PTPRD: variants seen among roughly 807,000 people sequenced by gnomAD.
The protein encoded by PTPRD is protein tyrosine phosphatase receptor type D.
A neutral mutation model predicts 214.5 loss-of-function variants in PTPRD; 34 were observed. The observed-to-expected ratio is 0.16, with a 90% CI of 0.12 to 0.21. The LOEUF (loss-of-function observed/expected upper bound fraction) is 0.21. Ranked by LOEUF, PTPRD falls within the 10% of genes least tolerant of loss-of-function variation. PTPRD has a pLI of 1.00. For synonymous variants in PTPRD, 1,128 were observed against 845.7 expected (o/e 1.33, Z -5.79); for missense variants, 2,545 against 2,398.7 (o/e 1.06, Z -1.27).
intron 5 of PTPRD, among the ~76,000 whole-genome samples, chr9:9,793,748 C>G (rs1011759195): frequency 6.6e-6 from 1 of 151,834 alleles, no homozygotes; most frequent in South Asian, 2.1e-4. Context: ...TTTGTTCTTC[C>G]TTCTGTGTAG....
intron 3 of PTPRD, among the ~76,000 whole-genome samples, chr9:10,194,941 ATTTT>A (rs113659073): frequency 7.3e-6 from 1 of 137,050 alleles, no homozygotes; most frequent in Non-Finnish European, 1.6e-5. Flanking sequence ...TTTTCATTTA[ATTTT>A]TTTTTTTTTT....
chr9:9,876,562 C>G (rs141432638), intron 5 of PTPRD, among the ~76,000 whole-genome samples: 63 of 152,228 alleles, frequency 4.1e-4, no homozygotes, highest in African/African-American at 1.5e-3. Flanking sequence ...GCAGTTTTAA[C>G]AATAAGACAA....
rs767461430 is a variant in PTPRD, at chr9:9,013,738, C to T, written c.-104+4959G>A. Among the ~76,000 whole-genome samples the T allele has an allele frequency of 1.2e-4, 18 of 152,234 alleles. No individual in the cohort carries two copies. In the South Asian group the frequency reaches 1.2e-3, roughly 11 times the overall value. ...CGACTCAAAACTCAGGAAATGCTTA[C>T]GTATAACAGGTATGGGGATGTACCC... On this transcript the variant is annotated intron_variant, in intron 11 of 45. Coordinates refer to ENST00000381196, the MANE Select transcript of PTPRD (RefSeq NM_002839.4).
chr9:10,601,299 TAA>T (rs572472400), intron 2 of PTPRD, among the ~76,000 whole-genome samples: 3,251 of 149,346 alleles, frequency 0.022, 53 homozygotes, highest in African/African-American at 0.043. Flanking sequence ...GAATTTGATT[TAA>T]AAAAAAAATG....
intron 9 of PTPRD, among the ~76,000 whole-genome samples, chr9:9,270,617 T>C (rs532042213): frequency 1.3e-5 from 2 of 151,458 alleles, no homozygotes; most frequent in South Asian, 4.2e-4. Context: ...AAAAATTTGA[T>C]TCTAAGTGCA....
intron 3 of PTPRD, among the ~76,000 whole-genome samples, chr9:10,084,683 A>G (rs2098300039): frequency 6.6e-6 from 1 of 151,852 alleles, no homozygotes; most frequent in Non-Finnish European, 1.5e-5. Flanking sequence ...TTTAGGTTTT[A>G]CAAGACACAC....
rs796897117 is a variant in PTPRD at position 9,247,017 on chromosome 9, C to A, written c.-202-63654G>T. 6.1e-5 allele frequency among the ~76,000 whole-genome samples: 9 copies of A among 148,478 alleles called. 1 individual carries two copies. The highest frequency in any genetic ancestry group is 2.3e-4 in the African/African-American group (9 of 39,692). On this transcript the variant is annotated intron_variant, in intron 9 of 45. Coordinates refer to ENST00000381196, the MANE Select transcript of PTPRD (RefSeq NM_002839.4). ...TTTTCCCCGAGTGACTCATAGAAAT[C>A]AGAATTCCTCTTTCCCAAGATAAGT...
intron 9 of PTPRD, among the ~76,000 whole-genome samples, chr9:9,393,392 T>C (rs903778405): frequency 1.3e-5 from 2 of 152,134 alleles, no homozygotes; most frequent in African/African-American, 2.4e-5. Flanking sequence ...CGAAAAACCA[T>C]GCTAGTCTGC....
At chr9:9,744,776 A>C (rs1402948977) in intron 6 of PTPRD, among the ~76,000 whole-genome samples, 8 of 152,118 alleles carry the variant, frequency 5.3e-5, no homozygotes, top group Non-Finnish European at 7.4e-5. Context: ...AGTAAGTGCT[A>C]GATAAATACT....
chr9:8,583,015 G>A (rs765902322), intron 14 of PTPRD, among the ~76,000 whole-genome samples: 2 of 152,174 alleles, frequency 1.3e-5, no homozygotes, highest in Non-Finnish European at 2.9e-5. Context: ...TTAATAAATT[G>A]GGGGTTATTG....
intron 7 of PTPRD, among the ~76,000 whole-genome samples, chr9:9,718,851 C>G (rs115154239): frequency 6.6e-6 from 1 of 152,136 alleles, no homozygotes; most frequent in Non-Finnish European, 1.5e-5. Context: ...TGGCTTGGCA[C>G]GTGCCTGGTG....
intron 9 of PTPRD, among the ~76,000 whole-genome samples, chr9:9,346,488 T>C (rs1371512208): frequency 6.6e-6 from 1 of 152,160 alleles, no homozygotes; most frequent in African/African-American, 2.4e-5. Context: ...TGTAAGTACT[T>C]ATTTATGAGT....
chr9:10,589,705 GC>G (rs1285697584), intron 2 of PTPRD, among the ~76,000 whole-genome samples: 1 of 152,010 alleles, frequency 6.6e-6, no homozygotes, highest in Non-Finnish European at 1.5e-5. Flanking sequence ...GGATACAGTG[GC>G]ATCTATGAGA....
At chr9:9,715,890 A>T (rs1344678020) in intron 7 of PTPRD, among the ~76,000 whole-genome samples, 3 of 152,176 alleles carry the variant, frequency 2.0e-5, no homozygotes, top group Non-Finnish European at 4.4e-5. Context: ...TTTAGGGTAC[A>T]TGTGCACAAT....
intron 4 of PTPRD, among the ~76,000 whole-genome samples, chr9:9,959,872 T>C (rs2094227842): frequency 6.6e-6 from 1 of 152,180 alleles, no homozygotes; most frequent in Non-Finnish European, 1.5e-5. Flanking sequence ...GACATTGGTA[T>C]GAACTCATAT....
chr9:10,527,771 A>G (rs1341816112), intron 2 of PTPRD, among the ~76,000 whole-genome samples: 4 of 152,290 alleles, frequency 2.6e-5, no homozygotes, highest in Non-Finnish European at 1.5e-5. Flanking sequence ...TAGAGCCATT[A>G]TATCAGCAGA....
At position 10,527,470 on chromosome 9, in the gene PTPRD, A is replaced by G. The variant is rs180774521; in HGVS notation, c.-600+84928T>C. Among the ~76,000 whole-genome samples the G allele has an allele frequency of 1.6e-3, 247 of 152,328 alleles. 1 individual carries two copies. Among genetic ancestry groups the G allele is most frequent in the African/African-American group, 5.7e-3 (238 of 41,590 alleles). On this transcript the variant is annotated intron_variant, in intron 2 of 45. Transcript: ENST00000381196. ...AAAAGCGTAAGCTAATTCCAAATGCATTAGGTAGACTGGAAGAAGACAATT... is the reference window on the plus strand; with the variant it reads ...AAAAGCGTAAGCTAATTCCAAATGCGTTAGGTAGACTGGAAGAAGACAATT...
At chr9:10,537,913 G>A (rs2058215350) in intron 2 of PTPRD, among the ~76,000 whole-genome samples, 1 of 151,928 alleles carries the variant, frequency 6.6e-6, no homozygotes, top group African/African-American at 2.4e-5. Flanking sequence ...AGATTCTCAG[G>A]CCCCAACCCA....
chr9:9,969,292 T>C (rs569423852), intron 4 of PTPRD, among the ~76,000 whole-genome samples: 2 of 152,238 alleles, frequency 1.3e-5, no homozygotes, highest in African/African-American at 2.4e-5. Flanking sequence ...AGCTGAACAC[T>C]AGCAAGGACC....
Sources: gnomAD v4.1 joint callset for allele counts (sites outside exome capture counted in the v4.1 genomes callset) on GRCh38, gnomAD v4.1.1 for gene constraint, MANE v1.5 for transcripts, NCBI Gene and HGNC (gene_info 2026-07-23, HGNC 2026-07-21) for gene names.